The following RYR1 variants were observed in gnomAD, a reference collection of about 807,000 sequenced individuals.
The protein encoded by RYR1 is ryanodine receptor 1, also known as central core disease of muscle.
Under a neutral mutation model 583.5 loss-of-function variants are expected in RYR1, and 342 were observed. The ratio of observed to expected loss-of-function variants is 0.59; its 90% confidence interval spans 0.54 to 0.64. RYR1 has a LOEUF of 0.64. Ranked by LOEUF, RYR1 falls within the 30% of genes least tolerant of loss-of-function variation. The pLI is 0.00. For missense variants in RYR1, 6,032 were observed against 6,917.2 expected, an observed-to-expected ratio of 0.87 and a Z score of 4.54; for synonymous variants, 2,791 against 2,822.5, an observed-to-expected ratio of 0.99 and a Z score of 0.35.
At chr19:38,523,998 C>T (rs1442618983) in intron 70 of RYR1, 69 bp downstream of exon 70, 1 of 1,578,768 alleles carries the variant, frequency 6.3e-7, no homozygotes, top group Non-Finnish European at 8.7e-7. Flanking sequence ...CCTCTGCACG[C>T]CCCCGCCTCG....
chr19:38,548,461 G>T, intron 89 of RYR1, 41 bp downstream of exon 89: 1 of 1,598,636 alleles, frequency 6.3e-7, no homozygotes, highest in Non-Finnish European at 8.6e-7. Context: ...CTTGGGTGGG[G>T]TTGCCAAGGG....
intron 24 of RYR1, 69 bp downstream of exon 24, chr19:38,466,467 C>A: frequency 1.5e-5 from 19 of 1,275,412 alleles, no homozygotes; most frequent in Non-Finnish European, 2.0e-5. Flanking sequence ...GATCCCTGAT[C>A]TCTGACCTGA....
In RYR1 at chr19:38,446,773, G is replaced by C; in HGVS notation, c.800+5G>C. On this transcript the variant is annotated splice_donor_5th_base_variant and intron_variant, in intron 9 of 105. Transcript: ENST00000359596. The stretch of plus-strand genomic sequence containing the variant: ...GCTGGAGCCACTGAGAATCAGGTAG[G>C]GCGGGGAAGATGGGGAGAGACCAGG... The C allele has an allele frequency of 6.2e-7, 1 of 1,613,028 alleles. No individual in the cohort carries two copies. Among genetic ancestry groups the C allele is most frequent in the Non-Finnish European group, 8.5e-7 (1 of 1,179,516 alleles).
intron 30 of RYR1, among the ~76,000 whole-genome samples, chr19:38,478,215 C>G (rs1968837019): frequency 1.3e-5 from 2 of 152,114 alleles, no homozygotes; most frequent in South Asian, 4.1e-4. Flanking sequence ...TTTCAGACCC[C>G]CACCCCCATC....
chr19:38,475,292 C>T (rs879164288), intron 28 of RYR1, 26 bp from the exon 29 acceptor site: 12 of 1,557,184 alleles, frequency 7.7e-6, no homozygotes, highest in South Asian at 7.1e-5. Flanking sequence ...AGCTGGCTCT[C>T]ATGGCGCCTC....
chr19:38,586,283 G>C, intron 104 of RYR1, 92 bp downstream of exon 104: 1 of 1,185,430 alleles, frequency 8.4e-7, no homozygotes, highest in Non-Finnish European at 1.2e-6. Context: ...TTAGGAAAGG[G>C]GGTGTAGTGT....
intron 88 of RYR1, among the ~76,000 whole-genome samples, chr19:38,547,294 T>A (rs112532538): frequency 2.7e-5 from 4 of 150,362 alleles, no homozygotes; most frequent in Non-Finnish European, 5.9e-5. Flanking sequence ...TTCGTGATCC[T>A]CCCGCCTCAG....
rs567869595 is a variant in RYR1 at position 38,518,937 on chromosome 19, A to AG, written c.10019-277_10019-276insG. ...AGTGAAACTCTGTCTCAAAAAAAAA[A>AG]AAAAAGTTAGGTAACAGGTGAGGCG... On this transcript the variant is annotated intron_variant, in intron 66 of 105. Transcript: ENST00000359596. 4.8e-4 allele frequency among the ~76,000 whole-genome samples: 73 copies of AG among 152,118 alleles called. 1 individual carries two copies. The highest frequency in any genetic ancestry group is 1.2e-3 in the Admixed American group (18 of 15,274).
At position 38,566,032 on chromosome 19, in the gene RYR1, GAGAGTGCAGGGCCGGAC is replaced by G. The variant is rs555414362; in HGVS notation, c.13437+292_13437+308del. On this transcript the variant is annotated intron_variant, in intron 91 of 105. Transcript: ENST00000359596. ...AGACCTGGAGAAAGGGCCGGGGAGA[GAGAGTGCAGGGCCGGAC>G]AGAGTGCAGGGCCGGACAGAGTGCA... 8.6e-3 allele frequency among the ~76,000 whole-genome samples: 1,311 copies of G among 151,828 alleles called. 14 individuals are homozygous for G. Among genetic ancestry groups the G allele is most frequent in the African/African-American group, 0.022 (926 of 41,344 alleles).
At chr19:38,548,168 G>A in intron 88 of RYR1, 65 bp from the exon 89 acceptor site, 1 of 1,585,214 alleles carries the variant, frequency 6.3e-7, no homozygotes, top group South Asian at 1.1e-5. Context: ...TGGAAAGAGA[G>A]GCAAGCCTGG....
In RYR1 at chr19:38,517,460, T is replaced by A. The variant is rs1269794360; in HGVS notation, c.9787T>A (p.Tyr3263Asn). The part of the protein sequence containing the change: ...IGGLAESGAR[Y>N]TEMPHVIEIT... The stretch of plus-strand genomic sequence containing the variant: ...GGGGCTGGCCGAGTCAGGTGCCCGC[T>A]ACACAGAGATGCCGCATGTCATCGA... The change falls in exon 66 of 106, where the codon TAC (tyrosine) becomes AAC (asparagine). Residue 3263 changes from tyrosine to asparagine, a missense_variant. Transcript: ENST00000359596. 6.2e-7 allele frequency: 1 copy of A among 1,613,936 alleles called. No individual in the cohort carries two copies. Among genetic ancestry groups the A allele is most frequent in the Non-Finnish European group, 8.5e-7 (1 of 1,180,022 alleles).
In RYR1 at chr19:38,514,820, A is replaced by G. The variant is rs531274049; in HGVS notation, c.9473-206A>G. On this transcript the variant is annotated intron_variant, in intron 63 of 105. Transcript: ENST00000359596. ...ACGACCACCCCGTGAGGAAGGTACT[A>G]TAACTATCCCCATGTTACAGGTAGG... is the stretch of plus-strand genomic sequence containing the variant. 4.2e-4 allele frequency among the ~76,000 whole-genome samples: 64 copies of G among 152,250 alleles called. 1 individual carries two copies. The highest frequency in any genetic ancestry group is 8.5e-4 in the Admixed American group (13 of 15,296).
chr19:38,549,658 C>A (rs1377485711), intron 89 of RYR1, among the ~76,000 whole-genome samples: 1 of 139,548 alleles, frequency 7.2e-6, no homozygotes, highest in African/African-American at 2.7e-5. Flanking sequence ...CAAATGTTTT[C>A]TATTTACTAT....
intron 20 of RYR1, among the ~76,000 whole-genome samples, chr19:38,461,104 A>G (rs1967713738): frequency 6.6e-6 from 1 of 152,132 alleles, no homozygotes; most frequent in Non-Finnish European, 1.5e-5. Context: ...CAATGAGCCA[A>G]GATCGTGCCA....
intron 101 of RYR1, among the ~76,000 whole-genome samples, 193 bp downstream of exon 101, chr19:38,580,697 T>TA (rs987784916): frequency 7.3e-5 from 11 of 151,516 alleles, no homozygotes; most frequent in Admixed American, 4.6e-4. Context: ...CCTGTCTCTA[T>TA]AAAAAAAAAT....
At chr19:38,506,267 A>C (rs776390525) in intron 54 of RYR1, 36 bp from the exon 55 acceptor site, 268 of 1,606,230 alleles carry the variant, frequency 1.7e-4, no homozygotes, top group Non-Finnish European at 2.1e-4. Flanking sequence ...CTGCTAGCCC[A>C]TCAGCCCACC....
chr19:38,455,110 T>C, intron 13 of RYR1, 125 bp from the exon 14 acceptor site: 2 of 1,151,646 alleles, frequency 1.7e-6, no homozygotes, highest in Non-Finnish European at 2.6e-6. Flanking sequence ...CCAAAGGGGC[T>C]GATTTAGATC....
chr19:38,455,764 C>G lies in RYR1; in HGVS notation c.1791+13C>G. 1 of 1,494,796 alleles carries G rather than the reference C, an allele frequency of 6.7e-7. No individual in the cohort carries two copies. Among genetic ancestry groups the G allele is most frequent in the African/African-American group, 1.4e-5 (1 of 72,538 alleles). 92.6% of individuals were successfully genotyped at this position (1,494,796 alleles called of 1,614,324 possible). On this transcript the variant is annotated intron_variant, in intron 16 of 105. Transcript: ENST00000359596. ...GAGGAACCACAAGGTCGGCCCCTCA[C>G]CCCTGACCTCTCATCCCCTGAACTC... is the stretch of plus-strand genomic sequence containing the variant.
intron 28 of RYR1, among the ~76,000 whole-genome samples, 181 bp from the exon 29 acceptor site, chr19:38,475,137 G>A (rs141128164): frequency 6.2e-4 from 95 of 152,294 alleles, no homozygotes; most frequent in African/African-American, 2.1e-3. Flanking sequence ...ATCCACAAGC[G>A]CAGAGCATAG....
Sources: allele counts gnomAD v4.1 joint callset (sites outside exome capture counted in the v4.1 genomes callset), GRCh38; gene constraint gnomAD v4.1.1; transcripts MANE v1.5; gene names NCBI Gene and HGNC (gene_info 2026-07-23, HGNC 2026-07-21).